ABHD12: variants seen among roughly 807,000 people sequenced by gnomAD.
ABHD12 encodes the protein lysophosphatidylserine lipase ABHD12.
Under a neutral mutation model 58.3 loss-of-function variants are expected in ABHD12, and 43 were observed. That is an observed-to-expected ratio of 0.74 (90% confidence interval 0.58 to 0.95). The LOEUF is 0.95. Among genes scored for constraint, ABHD12 ranks in the 40% least tolerant of loss-of-function variants. The probability of loss-of-function intolerance (pLI) is 0.00; values close to 1 mark genes in which losing one functional copy is unlikely to be tolerated. For missense variants in ABHD12, 539 were observed against 537.2 expected (o/e 1.00, Z -0.03); for synonymous variants, 219 against 211.2 (o/e 1.04, Z -0.32).
intron 6 of ABHD12, among the ~76,000 whole-genome samples, chr20:25,312,268 C>T (rs1287750448): frequency 6.6e-6 from 1 of 152,204 alleles, no homozygotes; most frequent in Non-Finnish European, 1.5e-5. Context: ...CGGCTCACTG[C>T]AACCTCCCTG....
At chr20:25,316,992 T>G in intron 5 of ABHD12, 56 bp downstream of exon 5, 1 of 1,549,224 alleles carries the variant, frequency 6.5e-7, no homozygotes, top group Non-Finnish European at 8.9e-7. Context: ...CTCCCTTCAC[T>G]TCCTGCCCTG....
chr20:25,318,181 G>C (rs1177350013), intron 4 of ABHD12, among the ~76,000 whole-genome samples: 2 of 152,298 alleles, frequency 1.3e-5, no homozygotes, highest in East Asian at 1.9e-4. Context: ...TGGCCATGGT[G>C]GTGGGTGACT....
At chr20:25,374,765 G>T (rs1036601228) in intron 1 of ABHD12, among the ~76,000 whole-genome samples, 1 of 152,192 alleles carries the variant, frequency 6.6e-6, no homozygotes, top group African/African-American at 2.4e-5. Context: ...CTCCCAAAGT[G>T]CTGGGATTAC....
rs751113556 is a variant in ABHD12, at chr20:25,320,330, A to C, written c.423-12T>G. ...CAGGGACGGTGTGCCTGCAGACAGA[A>C]GCAGAGGGGAGCGCAGGATCAGATG... On this transcript the variant is annotated splice_polypyrimidine_tract_variant and intron_variant, in intron 3 of 12. Coordinates refer to ENST00000339157, the MANE Select transcript of ABHD12 (RefSeq NM_001042472.3). 2 of 1,612,990 alleles carry C rather than the reference A, an allele frequency of 1.2e-6. No individual in the cohort carries two copies. Among genetic ancestry groups the C allele is most frequent in the Non-Finnish European group, 1.7e-6 (2 of 1,180,016 alleles).
At chr20:25,330,946 G>A (rs967881231) in intron 2 of ABHD12, among the ~76,000 whole-genome samples, 11 of 152,324 alleles carry the variant, frequency 7.2e-5, no homozygotes, top group Admixed American at 2.6e-4. Flanking sequence ...CACCAGCAAC[G>A]GAACAAAGCT....
At chr20:25,350,302 AT>A (rs2146060732) in intron 1 of ABHD12, among the ~76,000 whole-genome samples, 1 of 152,360 alleles carries the variant, frequency 6.6e-6, no homozygotes, top group East Asian at 1.9e-4. Flanking sequence ...AGATAAAAAA[AT>A]AGTTGTCGTG....
chr20:25,318,663 CT>C (rs35288907), intron 4 of ABHD12, among the ~76,000 whole-genome samples: 79,504 of 145,104 alleles, frequency 0.55, 21,783 homozygotes, highest in Admixed American at 0.61. Flanking sequence ...TAGGCAGGAT[CT>C]TTTTTTTTTT....
In ABHD12 at chr20:25,300,993, CAGCCAAG is replaced by C. The variant is rs2088625932; in HGVS notation, c.1158-116_1158-110del. On this transcript the variant is annotated intron_variant, in intron 12 of 12. Coordinates refer to ENST00000339157, the MANE Select transcript of ABHD12 (RefSeq NM_001042472.3). The stretch of plus-strand genomic sequence containing the variant: ...AAGCAGAGGCTGTGCAGAGAGGAGG[CAGCCAAG>C]AGCCCCATGAGGATGCGCTGTAGCC... 3 of 1,157,458 alleles carry C rather than the reference CAGCCAAG, an allele frequency of 2.6e-6. No individual in the cohort carries two copies. The East Asian group carries it at 7.6e-5, about 29-fold the overall frequency. The allele number at this position is 1,157,458 out of a possible 1,614,324, so 71.7% of individuals were successfully genotyped here. A position where few individuals can be genotyped will look rare whatever the true frequency, so the allele number is the denominator to read the frequency against.
At chr20:25,306,207 A>ACC (rs1451539550) in intron 10 of ABHD12, among the ~76,000 whole-genome samples, 21 of 151,954 alleles carry the variant, frequency 1.4e-4, no homozygotes, top group Non-Finnish European at 2.8e-4. Flanking sequence ...AGAAAAATCA[A>ACC]CCAGTTAATA....
At position 25,300,859 on chromosome 20, in the gene ABHD12, C is replaced by A. The variant is rs1226327414; in HGVS notation, c.1183G>T (p.Glu395Ter). The change falls in exon 13 of 13, where the codon GAG (glutamate) becomes TAG (stop). Residue 395 changes from glutamate (E) to a stop codon, truncating the protein, a stop_gained. Transcript: ENST00000339157. LOFTEE classifies it high-confidence loss of function. ...LREFLGKSEPEHQH is the reference protein window; with the variant it reads ...LREFLGKSEP ...CACGGCCAGGCTCAGTGCTGGTGCT[C>A]AGGCTCCGACTTCCCCAGGAATTCC... is the stretch of plus-strand genomic sequence containing the variant. 6.2e-7 allele frequency: 1 copy of A among 1,613,952 alleles called. No homozygotes were observed. Among genetic ancestry groups the A allele is most frequent in the Non-Finnish European group, 8.5e-7 (1 of 1,179,968 alleles).
At chr20:25,309,669 G>C in intron 6 of ABHD12, 94 bp from the exon 7 acceptor site, 1 of 1,573,134 alleles carries the variant, frequency 6.4e-7, no homozygotes, top group Non-Finnish European at 8.7e-7. Context: ...GCCAGGAGGA[G>C]ACAGGGAGGG....
At chr20:25,390,475 C>CGGGGGGGGGGGGGGGGGG in intron 1 of ABHD12, 38 bp downstream of exon 1, 1 of 1,089,480 alleles carries the variant, frequency 9.2e-7, no homozygotes, top group Non-Finnish European at 1.1e-6. Flanking sequence ...AGTGAGGGAC[C>CGGGGGGGGGGGGGGGGGG]GGCCCCCCCC....
chr20:25,362,853 T>C (rs1345792046), intron 1 of ABHD12, among the ~76,000 whole-genome samples: 1 of 151,812 alleles, frequency 6.6e-6, no homozygotes, highest in Non-Finnish European at 1.5e-5. Context: ...TTTGTATTTT[T>C]ACTAGAGACA....
At chr20:25,360,386 A>G (rs1052850743) in intron 1 of ABHD12, among the ~76,000 whole-genome samples, 1 of 151,396 alleles carries the variant, frequency 6.6e-6, no homozygotes, top group South Asian at 2.1e-4. Flanking sequence ...GATTACAGGC[A>G]TGCACCACCA....
chr20:25,300,524 C>T lies in ABHD12; in HGVS notation c.*321G>A. ...CAAGAGTCCCCTGCCCGGACTCCCC[C>T]TGTCCAGCTCAGTGCAGCATCAAGC... On this transcript the variant is annotated 3_prime_UTR_variant, in exon 13 of 13. Transcript: ENST00000339157. 2.5e-6 allele frequency: 3 copies of T among 1,203,748 alleles called. No homozygotes were observed. The highest frequency in any genetic ancestry group is 3.1e-6 in the Non-Finnish European group (3 of 962,096). 74.6% of individuals were successfully genotyped at this position (1,203,748 alleles called of 1,614,324 possible).
chr20:25,340,573 G>T (rs2089441953), intron 1 of ABHD12, among the ~76,000 whole-genome samples: 1 of 152,318 alleles, frequency 6.6e-6, no homozygotes, highest in South Asian at 2.1e-4. Context: ...AGTGCCAGGG[G>T]CACACCTGCA....
intron 1 of ABHD12, among the ~76,000 whole-genome samples, chr20:25,353,901 C>T (rs1365679770): frequency 6.6e-6 from 1 of 152,166 alleles, no homozygotes; most frequent in Non-Finnish European, 1.5e-5. Flanking sequence ...TGCGTGATCA[C>T]TAACGTGCCA....
At chr20:25,386,272 T>C (rs1249459302) in intron 1 of ABHD12, among the ~76,000 whole-genome samples, 1 of 150,544 alleles carries the variant, frequency 6.6e-6, no homozygotes, top group Non-Finnish European at 1.5e-5. Flanking sequence ...TCTTTTTTTT[T>C]TTTTGAGATG....
intron 10 of ABHD12, among the ~76,000 whole-genome samples, chr20:25,304,502 C>A (rs1424073484): frequency 6.6e-6 from 1 of 152,236 alleles, no homozygotes; most frequent in Non-Finnish European, 1.5e-5. Context: ...CTCCATCTGG[C>A]TCAGCTGGGA....
Sources: allele counts gnomAD v4.1 joint callset (sites outside exome capture counted in the v4.1 genomes callset), GRCh38; gene constraint gnomAD v4.1.1; transcripts MANE v1.5; gene names NCBI Gene and HGNC (gene_info 2026-07-23, HGNC 2026-07-21).